MATR3: variants seen among roughly 807,000 people sequenced by gnomAD.
MATR3 encodes the protein matrin-3.
In MATR3, 4 loss-of-function variants were observed where a neutral mutation model predicts 85.5. The observed-to-expected ratio is 0.05, with a 90% CI of 0.02 to 0.11. The LOEUF (loss-of-function observed/expected upper bound fraction) is 0.11. Among genes scored for constraint, MATR3 ranks in the 10% least tolerant of loss-of-function variants. The pLI, the probability that MATR3 is intolerant of heterozygous loss-of-function variation, is 1.00. For missense variants in MATR3, 685 were observed against 1,016.1 expected (o/e 0.67, Z 4.43); for synonymous variants, 336 against 343.1 (o/e 0.98, Z 0.23).
chr5:139,281,337 C>T (rs1322662138), intron 3 of MATR3, among the ~76,000 whole-genome samples: 2 of 147,624 alleles, frequency 1.4e-5, no homozygotes, highest in South Asian at 2.1e-4. Flanking sequence ...TGCCTGGCCT[C>T]GAAGTAGTTT....
chr5:139,293,583 C>T, upstream of MATR3: 2 of 177,488 alleles, frequency 1.1e-5, no homozygotes, highest in Non-Finnish European at 2.4e-5. Context: ...CAGGCGAGTG[C>T]ACGAGCGAGG....
intron 14 of MATR3, among the ~76,000 whole-genome samples, chr5:139,326,941 T>C (rs1190783699): frequency 6.6e-6 from 1 of 152,196 alleles, no homozygotes; most frequent in Non-Finnish European, 1.5e-5. Flanking sequence ...ACCATTCATA[T>C]TAAAATAATT....
chr5:139,296,196 A>T (rs181861010), intron 1 of MATR3, among the ~76,000 whole-genome samples: 83 of 152,298 alleles, frequency 5.4e-4, no homozygotes, highest in African/African-American at 1.6e-3. Context: ...AATTTTTTTT[A>T]AAATTAAATA....
intron 6 of MATR3, 41 bp from the exon 7 acceptor site, chr5:139,317,555 A>G: frequency 1.2e-6 from 2 of 1,607,746 alleles, no homozygotes; most frequent in Non-Finnish European, 1.7e-6. Context: ...ATATTGCTTT[A>G]AAGAGACTTA....
chr5:139,324,899 G>A (rs1755765298), intron 12 of MATR3, among the ~76,000 whole-genome samples: 1 of 152,016 alleles, frequency 6.6e-6, no homozygotes, highest in Admixed American at 6.6e-5. Context: ...AATGAATAAA[G>A]ACAAAGACGC....
At chr5:139,291,280 C>T (rs1454300133), upstream of MATR3, among the ~76,000 whole-genome samples, 1 of 152,184 alleles carries the variant, frequency 6.6e-6, no homozygotes, top group Non-Finnish European at 1.5e-5. Flanking sequence ...CAGGAAAGCT[C>T]CTCATTCCCT....
At chr5:139,282,411 T>G (rs546320673) in intron 3 of MATR3, among the ~76,000 whole-genome samples, 31 of 152,216 alleles carry the variant, frequency 2.0e-4, no homozygotes, top group Non-Finnish European at 3.2e-4. Flanking sequence ...ACTTGTTTGG[T>G]CTTCCTTGCC....
rs952996171 is a variant in MATR3 at position 139,330,876 on chromosome 5, C to G, written c.*1481C>G. ...GCAGTGGCACAGTTCTCTGCAACCT[C>G]AGCCTTTGGGCTCAAATGACCCTCC... On this transcript the variant is annotated 3_prime_UTR_variant, in exon 15 of 15. Coordinates refer to ENST00000394805, the MANE Select transcript of MATR3 (RefSeq NM_018834.6). The G allele has an allele frequency of 2.0e-5, 9 of 453,876 alleles. No individual in the cohort carries two copies. The highest frequency in any genetic ancestry group is 2.6e-5 in the Non-Finnish European group (6 of 226,748). 28.1% of individuals were successfully genotyped at this position (453,876 alleles called of 1,614,324 possible).
intron 1 of MATR3, among the ~76,000 whole-genome samples, chr5:139,302,833 C>T (rs1754519052): frequency 6.6e-6 from 1 of 152,126 alleles, no homozygotes; most frequent in South Asian, 2.1e-4. Context: ...AGGTGATTGG[C>T]CTTGATAGAA....
chr5:139,321,743 A>T, intron 9 of MATR3, 155 bp from the exon 10 acceptor site: 1 of 740,950 alleles, frequency 1.3e-6, no homozygotes. Context: ...GGATTGCGCC[A>T]CTGCATTCCA....
At position 139,319,179 on chromosome 5, in the gene MATR3, G is replaced by A. The variant is rs1440542725; in HGVS notation, c.1434+146G>A. On this transcript the variant is annotated intron_variant, in intron 8 of 14. Coordinates refer to ENST00000394805, the MANE Select transcript of MATR3 (RefSeq NM_018834.6). ...CACCTTGGGAGGCCAAGGTCAGAAG[G>A]ATTATGTGAGGCCCAGGAGTTCCAG... 4 of 1,236,766 alleles carry A rather than the reference G, an allele frequency of 3.2e-6. No individual in the cohort carries two copies. In the East Asian group the frequency reaches 7.5e-5, roughly 23 times the overall value. The allele number at this position is 1,236,766 out of a possible 1,614,324, so 76.6% of individuals were successfully genotyped here.
intron 12 of MATR3, chr5:139,325,203 A>AT: frequency 1.0e-5 from 15 of 1,470,242 alleles, no homozygotes; most frequent in Non-Finnish European, 1.4e-5. Flanking sequence ...AAAAAAAAAA[A>AT]GGCAAAGACG....
rs565146093 is a variant in MATR3, at chr5:139,304,366, GGT to G, written c.-177-2866_-177-2865del. Among the ~76,000 whole-genome samples, 914 of 152,138 alleles carry G rather than the reference GGT, an allele frequency of 6.0e-3. 13 individuals carry two copies. The highest frequency in any genetic ancestry group is 0.018 in the African/African-American group (734 of 41,490). The stretch of plus-strand genomic sequence containing the variant: ...AAATACAAAATTAGCTGGAAGTGGT[GGT>G]GTGTGTCTGTAATTTCAGCTACTTG... On this transcript the variant is annotated intron_variant, in intron 1 of 14. Transcript: ENST00000394805.
At chr5:139,275,090 C>T (rs913856790) in intron 1 of MATR3, among the ~76,000 whole-genome samples, 1 of 150,754 alleles carries the variant, frequency 6.6e-6, no homozygotes, top group African/African-American at 2.4e-5. Context: ...ATTCTCCTGC[C>T]TCAGCATCCC....
intron 1 of MATR3, chr5:139,294,011 C>A (rs995345187): frequency 7.8e-7 from 1 of 1,286,062 alleles, no homozygotes; most frequent in Non-Finnish European, 9.9e-7. Flanking sequence ...GCGCAACCAG[C>A]CTTCTAGGGC....
rs375682201 is a variant in MATR3 at position 139,329,556 on chromosome 5, CA to C, written c.*169del. On this transcript the variant is annotated 3_prime_UTR_variant, in exon 15 of 15. Transcript: ENST00000394805. ...TCTGTTCATGTGTTAAGTGTTATAG[CA>C]AAAAAAATACACATATGGTTAAGTT... 478 of 653,724 alleles carry C rather than the reference CA, an allele frequency of 7.3e-4. No homozygotes were observed. Among genetic ancestry groups the C allele is most frequent in the East Asian group, 1.6e-3 (51 of 31,596 alleles). The allele number at this position is 653,724 out of a possible 1,614,324, so 40.5% of individuals were successfully genotyped here. A position where few individuals can be genotyped will look rare whatever the true frequency, so the allele number is the denominator to read the frequency against.
intron 1 of MATR3, among the ~76,000 whole-genome samples, chr5:139,301,016 T>C (rs1373392682): frequency 1.3e-5 from 2 of 152,040 alleles, no homozygotes; most frequent in Non-Finnish European, 2.9e-5. Context: ...GGTTTCCCCA[T>C]GTTGGCCAAG....
At chr5:139,292,370 C>T (rs1424154946), upstream of MATR3, among the ~76,000 whole-genome samples, 1 of 152,066 alleles carries the variant, frequency 6.6e-6, no homozygotes, top group African/African-American at 2.4e-5. Flanking sequence ...ATTGCATTGC[C>T]CACCTTATAG....
At chr5:139,275,142 A>ATTTTTTTTTTTTTT (rs750841386) in intron 1 of MATR3, among the ~76,000 whole-genome samples, 3 of 40,910 alleles carry the variant, frequency 7.3e-5, no homozygotes, top group African/African-American at 9.4e-5. Context: ...CGCCCGGCTA[A>ATTTTTTTTTTTTTT]TTTTTTTTTT....
Sources: gnomAD v4.1 joint callset for allele counts (sites outside exome capture counted in the v4.1 genomes callset) on GRCh38, gnomAD v4.1.1 for gene constraint, MANE v1.5 for transcripts, NCBI Gene and HGNC (gene_info 2026-07-23, HGNC 2026-07-21) for gene names.